The following FLACC1 variants were observed in gnomAD, a reference collection of about 807,000 sequenced individuals.
FLACC1 encodes the protein flagellum-associated coiled-coil domain-containing protein 1.
In FLACC1, 66 loss-of-function variants were observed where a neutral mutation model predicts 62.8. The ratio of observed to expected loss-of-function variants is 1.05; its 90% CI spans 0.86 to 1.29. FLACC1 has a LOEUF of 1.29. Ranked by LOEUF, FLACC1 falls within the 50% of genes most tolerant of loss-of-function variation. FLACC1 has a pLI of 0.00. For synonymous variants in FLACC1, 156 were observed against 161.0 expected, an observed-to-expected ratio of 0.97 and a Z score of 0.24; for missense variants, 452 against 489.1, an observed-to-expected ratio of 0.92 and a Z score of 0.71.
At chr2:201,336,898 G>A (rs1460209875) in intron 7 of FLACC1, among the ~76,000 whole-genome samples, 1 of 152,178 alleles carries the variant, frequency 6.6e-6, no homozygotes, top group East Asian at 1.9e-4. Context: ...CTGATGATTA[G>A]TGATGTTGAA....
In FLACC1 at chr2:201,346,664, G is replaced by A. The variant is rs375309101; in HGVS notation, c.246C>T (p.Asn82=). Residue 82 remains asparagine (N), a synonymous_variant, in exon 5 of 15, where the codon AAC becomes AAT. Transcript: ENST00000392257. The surrounding 1 kb of genome is among the most constrained non-coding windows in gnomAD (Gnocchi z 4.0). The part of the protein sequence containing the change: ...ETNKSFYEVI[N]VSPGYQLVRN... ...GAACAAGTTGATAGCCAGGTGACAC[G>A]TTGATCACTTCCTAGGCATCAAGGG... The A allele has an allele frequency of 8.1e-6, 13 of 1,614,180 alleles. No individual in the cohort carries two copies. The highest frequency in any genetic ancestry group is 3.3e-5 in the South Asian group (3 of 91,088).
chr2:201,333,087 G>T (rs1012631837), intron 7 of FLACC1, among the ~76,000 whole-genome samples: 1 of 152,124 alleles, frequency 6.6e-6, no homozygotes, highest in Non-Finnish European at 1.5e-5. Context: ...TGGGATTGCT[G>T]GATCATATGG....
chr2:201,316,723 A>C (rs1159771649), intron 9 of FLACC1, among the ~76,000 whole-genome samples: 1 of 152,140 alleles, frequency 6.6e-6, no homozygotes, highest in African/African-American at 2.4e-5. Flanking sequence ...TATCACCCTA[A>C]TACTAAAAAC....
intron 9 of FLACC1, among the ~76,000 whole-genome samples, chr2:201,313,278 A>G (rs1950249821): frequency 6.6e-6 from 1 of 152,116 alleles, no homozygotes. Flanking sequence ...CAAAAGCACT[A>G]CTTGCTTTTG....
At position 201,350,697 on chromosome 2, in the gene FLACC1, A is replaced by C. The variant is rs1951010046; in HGVS notation, c.185+14T>G. ...CTCCATCTCAAAAACAAAACAAAAC[A>C]AAACAATACTTACTTTGGGGAAACA... On this transcript the variant is annotated intron_variant, in intron 3 of 14. Transcript: ENST00000392257. 3 of 1,610,386 alleles carry C rather than the reference A, an allele frequency of 1.9e-6. No homozygotes were observed. The Admixed American group carries it at 5.0e-5, about 27-fold the overall frequency.
chr2:201,353,174 T>A (rs1456230228), intron 1 of FLACC1, among the ~76,000 whole-genome samples: 1 of 152,138 alleles, frequency 6.6e-6, no homozygotes, highest in Non-Finnish European at 1.5e-5. Flanking sequence ...GAAAATAAAA[T>A]GTGCAATTAC....
intron 9 of FLACC1, among the ~76,000 whole-genome samples, chr2:201,328,023 G>A (rs182221344): frequency 6.2e-4 from 95 of 152,282 alleles, no homozygotes; most frequent in African/African-American, 1.9e-3. Context: ...GATGGAGCTG[G>A]AGGCCATTAT....
At chr2:201,361,024 G>A (rs1371347575), upstream of FLACC1, among the ~76,000 whole-genome samples, 1 of 152,168 alleles carries the variant, frequency 6.6e-6, no homozygotes, top group Non-Finnish European at 1.5e-5. Context: ...GTTGCAGTGA[G>A]CCAAGATCGT....
rs140523653 is a variant in FLACC1 at position 201,316,975 on chromosome 2, A to C, written c.676-7725T>G. 2.3e-3 allele frequency among the ~76,000 whole-genome samples: 343 copies of C among 152,342 alleles called. 1 individual carries two copies. Among genetic ancestry groups the C allele is most frequent in the African/African-American group, 7.7e-3 (322 of 41,566 alleles). ...ACATGATCATTTCAATAGATGCGGA[A>C]AAAGCATTTGACAAAATCCAGCATG... On this transcript the variant is annotated intron_variant, in intron 9 of 14. Coordinates refer to ENST00000392257, the MANE Select transcript of FLACC1 (RefSeq NM_001127391.3).
chr2:201,297,486 A>C (rs564068185), intron 12 of FLACC1, among the ~76,000 whole-genome samples: 45 of 152,310 alleles, frequency 3.0e-4, no homozygotes, highest in African/African-American at 1.0e-3. Context: ...AGGTGTGACC[A>C]ATGAGGTGAA....
intron 12 of FLACC1, among the ~76,000 whole-genome samples, chr2:201,295,096 T>C (rs1949829135): frequency 6.6e-6 from 1 of 152,162 alleles, no homozygotes; most frequent in African/African-American, 2.4e-5. Context: ...CTCAAGGTAA[T>C]TTATAGATTC....
intron 11 of FLACC1, among the ~76,000 whole-genome samples, chr2:201,299,923 A>C (rs989845870): frequency 2.0e-5 from 3 of 152,200 alleles, no homozygotes; most frequent in African/African-American, 4.8e-5. Flanking sequence ...GTAATTTATA[A>C]AGAAAAGAGG....
chr2:201,289,164 T>G (rs1949666160), intron 14 of FLACC1, among the ~76,000 whole-genome samples: 1 of 152,028 alleles, frequency 6.6e-6, no homozygotes, highest in Non-Finnish European at 1.5e-5. Flanking sequence ...AAAACCACCC[T>G]CAGTCATAGA....
intron 11 of FLACC1, among the ~76,000 whole-genome samples, chr2:201,303,965 C>G (rs1399532829): frequency 6.6e-6 from 1 of 152,160 alleles, no homozygotes; most frequent in African/African-American, 2.4e-5. Flanking sequence ...AAACCCACAG[C>G]CAATATCATA....
intron 9 of FLACC1, among the ~76,000 whole-genome samples, chr2:201,323,550 G>A (rs1950443550): frequency 6.6e-6 from 1 of 152,090 alleles, no homozygotes; most frequent in Admixed American, 6.5e-5. Context: ...AAATGCTGAG[G>A]GAATTTGTCA....
At chr2:201,351,222 T>C (rs1951020973) in intron 2 of FLACC1, 70 bp downstream of exon 2, 1 of 1,328,236 alleles carries the variant, frequency 7.5e-7, no homozygotes, top group Non-Finnish European at 1.1e-6. Context: ...TTTAGAAATC[T>C]TGTGAGAGAA....
chr2:201,352,887 G>C (rs1289067181), intron 1 of FLACC1, among the ~76,000 whole-genome samples: 1 of 152,212 alleles, frequency 6.6e-6, no homozygotes, highest in Non-Finnish European at 1.5e-5. Flanking sequence ...AGAAGTAGGA[G>C]TGATTGAGGA....
In FLACC1 at chr2:201,288,577, G is replaced by GA; in HGVS notation, c.*77dup. ...AAACTCATTATATGCATTTTCTCAAGAAAACCCTCCCAGGAGTTTCCTGGG... is the reference window on the plus strand; with the variant it reads ...AAACTCATTATATGCATTTTCTCAAGAAAAACCCTCCCAGGAGTTTCCTGGG... On this transcript the variant is annotated 3_prime_UTR_variant, in exon 15 of 15. Coordinates refer to ENST00000392257, the MANE Select transcript of FLACC1 (RefSeq NM_001127391.3). The GA allele has an allele frequency of 6.5e-7, 1 of 1,538,534 alleles. No individual in the cohort carries two copies. Among genetic ancestry groups the GA allele is most frequent in the Non-Finnish European group, 8.8e-7 (1 of 1,137,456 alleles).
intron 11 of FLACC1, among the ~76,000 whole-genome samples, chr2:201,302,220 A>G: frequency 6.6e-6 from 1 of 152,210 alleles, no homozygotes; most frequent in East Asian, 1.9e-4. Context: ...GGCTCAAAAT[A>G]AAAGGATGGA....
Sources: allele counts gnomAD v4.1 joint callset (sites outside exome capture counted in the v4.1 genomes callset), GRCh38; gene constraint gnomAD v4.1.1; non-coding constraint Gnocchi (gnomAD v3.1); transcripts MANE v1.5; gene names NCBI Gene and HGNC (gene_info 2026-07-23, HGNC 2026-07-21).